The following NCALD variants were observed in gnomAD, a reference collection of about 807,000 sequenced individuals.
The protein encoded by NCALD is neurocalcin delta.
NCALD carries 10 observed loss-of-function variants against 18.6 expected under a neutral mutation model. That is an observed-to-expected ratio of 0.54 (90% CI 0.33 to 0.91). NCALD has a LOEUF of 0.91. Ranked by LOEUF, NCALD falls within the 40% of genes least tolerant of loss-of-function variation. The pLI is 0.03. For missense variants in NCALD, 184 were observed against 247.6 expected, an observed-to-expected ratio of 0.74 and a Z score of 1.72; for synonymous variants, 88 against 87.4, an observed-to-expected ratio of 1.01 and a Z score of -0.04.
chr8:101,719,730 GGAA>G, intron 1 of NCALD, 82 bp from the exon 2 acceptor site: 3 of 1,332,528 alleles, frequency 2.3e-6, no homozygotes, highest in Non-Finnish European at 3.0e-6. Context: ...TGTTCCTTTG[GGAA>G]GAAGAAAAAA....
At chr8:101,845,336 G>A (rs1814822242) in intron 4 of NCALD, among the ~76,000 whole-genome samples, 1 of 152,146 alleles carries the variant, frequency 6.6e-6, no homozygotes, top group Admixed American at 6.5e-5. Context: ...GAGGAGCCCT[G>A]GGCCAGAGGA....
intron 2 of NCALD, among the ~76,000 whole-genome samples, chr8:101,703,543 A>G (rs1257921001): frequency 6.6e-6 from 1 of 152,190 alleles, no homozygotes; most frequent in African/African-American, 2.4e-5. Flanking sequence ...ATGGACATGA[A>G]ACAACAGTTT....
At chr8:101,731,589 C>T (rs1816834717) in intron 1 of NCALD, among the ~76,000 whole-genome samples, 1 of 152,166 alleles carries the variant, frequency 6.6e-6, no homozygotes, top group African/African-American at 2.4e-5. Flanking sequence ...TATTCGAGAG[C>T]TTAGGAGGGC....
intron 2 of NCALD, among the ~76,000 whole-genome samples, chr8:101,961,484 G>A (rs532934643): frequency 1.4e-4 from 22 of 152,106 alleles, no homozygotes; most frequent in South Asian, 6.2e-4. Context: ...CCTGTCCAAC[G>A]ATAAATTAGT....
chr8:101,967,752 T>C (rs1820084436), intron 2 of NCALD, among the ~76,000 whole-genome samples: 1 of 152,058 alleles, frequency 6.6e-6, no homozygotes, highest in Non-Finnish European at 1.5e-5. Flanking sequence ...GATTCTTCTC[T>C]CCCGGCCTCA....
chr8:101,929,200 A>G lies in NCALD; in HGVS notation c.-156-13342T>C, dbSNP rs575922325. 2.9e-4 allele frequency among the ~76,000 whole-genome samples: 40 copies of G among 136,862 alleles called. 2 individuals carry two copies. The highest frequency in any genetic ancestry group is 2.7e-3 in the Admixed American group (37 of 13,642). The allele number at this position is 136,862 out of a possible 152,430, so 89.8% of individuals were successfully genotyped here. A position where few individuals can be genotyped will look rare whatever the true frequency, so the allele number is the denominator to read the frequency against. ...AATCAAGAACCCAGGTGAATATTGC[A>G]AAGTTCTAGCCCCTAAAGAAGGGGA... is the stretch of plus-strand genomic sequence containing the variant. On this transcript the variant is annotated intron_variant, in intron 2 of 6. Coordinates refer to the NCALD transcript ENST00000311028.
At chr8:102,111,250 G>C (rs1057372929) in intron 1 of NCALD, among the ~76,000 whole-genome samples, 18 of 152,300 alleles carry the variant, frequency 1.2e-4, no homozygotes, top group African/African-American at 4.1e-4. Context: ...TCAGAGGCTA[G>C]AATGGACTTC....
chr8:102,082,224 C>CTTTTTTT (rs1362023921), intron 1 of NCALD, among the ~76,000 whole-genome samples: 20 of 109,472 alleles, frequency 1.8e-4, no homozygotes, highest in Admixed American at 3.5e-4. Context: ...GAGAAGCTCT[C>CTTTTTTT]TCTTTTTTTT....
At chr8:101,912,678 C>T (rs1002395683) in intron 3 of NCALD, among the ~76,000 whole-genome samples, 2 of 152,202 alleles carry the variant, frequency 1.3e-5, no homozygotes, top group African/African-American at 4.8e-5. Flanking sequence ...TCCCAATGCC[C>T]AGCCACTTGC....
chr8:101,774,142 T>C (rs1018626246), intron 1 of NCALD, among the ~76,000 whole-genome samples: 2 of 152,322 alleles, frequency 1.3e-5, no homozygotes, highest in Middle Eastern at 3.4e-3. Context: ...GACTCACTAA[T>C]TACCTGTAAA....
At chr8:101,719,766 G>A in intron 1 of NCALD, 118 bp from the exon 2 acceptor site, 1 of 921,916 alleles carries the variant, frequency 1.1e-6, no homozygotes, top group East Asian at 2.7e-5. Context: ...CTCTATACGA[G>A]TCCAGTAACA....
chr8:101,873,845 A>T (rs1224014599), intron 4 of NCALD, among the ~76,000 whole-genome samples: 1 of 152,184 alleles, frequency 6.6e-6, no homozygotes, highest in Admixed American at 6.5e-5. Context: ...AATACTCAGA[A>T]ATGTTTCTGA....
chr8:101,928,370 A>G (rs1818415506), intron 2 of NCALD, among the ~76,000 whole-genome samples: 1 of 152,184 alleles, frequency 6.6e-6, no homozygotes, highest in Admixed American at 6.5e-5. Context: ...ATTACTCAAA[A>G]ATAATGTATG....
chr8:101,733,911 T>A (rs12548057), intron 1 of NCALD, among the ~76,000 whole-genome samples: 34,636 of 152,124 alleles, frequency 0.23, 4,283 homozygotes, highest in East Asian at 0.36. Context: ...GAAGGTGAGC[T>A]GAAGGCTGCT....
chr8:102,003,932 G>A (rs893824255), intron 2 of NCALD, among the ~76,000 whole-genome samples: 1 of 151,300 alleles, frequency 6.6e-6, no homozygotes, highest in African/African-American at 2.5e-5. Context: ...ATACTGAATG[G>A]GCAAAAACTG....
chr8:101,949,352 G>A (rs1466518999), intron 2 of NCALD, among the ~76,000 whole-genome samples: 2 of 151,952 alleles, frequency 1.3e-5, no homozygotes, highest in Non-Finnish European at 2.9e-5. Flanking sequence ...TCACAGGTCA[G>A]TCTCTCTTCT....
At chr8:101,936,789 T>C (rs918031610) in intron 2 of NCALD, among the ~76,000 whole-genome samples, 3 of 152,190 alleles carry the variant, frequency 2.0e-5, no homozygotes, top group African/African-American at 4.8e-5. Context: ...TGTTTAAAAA[T>C]CTACCACGAT....
chr8:102,061,621 C>T (rs1422611943), intron 1 of NCALD, among the ~76,000 whole-genome samples: 4 of 152,012 alleles, frequency 2.6e-5, no homozygotes, highest in Admixed American at 2.6e-4. Context: ...GCTGCTGATT[C>T]CCAATAGTCC....
At chr8:102,115,175 G>A (rs1443952993) in intron 1 of NCALD, among the ~76,000 whole-genome samples, 1 of 152,176 alleles carries the variant, frequency 6.6e-6, no homozygotes, top group Non-Finnish European at 1.5e-5. Context: ...TTTTCTTCAG[G>A]TAGTGAGACT....
Sources: gnomAD v4.1 joint callset for allele counts (sites outside exome capture counted in the v4.1 genomes callset) on GRCh38, gnomAD v4.1.1 for gene constraint, MANE v1.5 for transcripts, NCBI Gene and HGNC (gene_info 2026-07-23, HGNC 2026-07-21) for gene names.